The following PAIP2B variants were observed in gnomAD, a reference collection of about 807,000 sequenced individuals.
PAIP2B encodes poly(A) binding protein interacting protein 2B.
Under a neutral mutation model 17.0 loss-of-function variants are expected in PAIP2B, and 13 were observed. The observed-to-expected ratio is 0.76, with a 90% CI of 0.50 to 1.22. The LOEUF (loss-of-function observed/expected upper bound fraction) is 1.22, where lower values mean the gene tolerates loss of function less well. PAIP2B is among the 50% of genes most tolerant of loss of function. PAIP2B has a pLI of 0.00. For synonymous variants in PAIP2B, 43 were observed against 48.7 expected (o/e 0.88, Z 0.48); for missense variants, 117 against 144.5 (o/e 0.81, Z 0.98).
chr2:71,205,248 G>T (rs956358860), intron 1 of PAIP2B, among the ~76,000 whole-genome samples: 7 of 152,198 alleles, frequency 4.6e-5, no homozygotes, highest in African/African-American at 1.7e-4. Flanking sequence ...CTAGGCAAGT[G>T]ATTCTCTTAC....
chr2:71,222,428 T>C (rs1675609766), intron 1 of PAIP2B, among the ~76,000 whole-genome samples: 1 of 152,176 alleles, frequency 6.6e-6, no homozygotes, highest in Non-Finnish European at 1.5e-5. Context: ...CCTTCTGTTT[T>C]TAGAAGGTGA....
At chr2:71,198,908 A>C (rs1404894050) in intron 2 of PAIP2B, among the ~76,000 whole-genome samples, 1 of 151,748 alleles carries the variant, frequency 6.6e-6, no homozygotes, top group Non-Finnish European at 1.5e-5. Flanking sequence ...TATGATTTTT[A>C]TTTTCCTTGG....
intron 1 of PAIP2B, among the ~76,000 whole-genome samples, chr2:71,222,072 A>C (rs999964924): frequency 6.6e-6 from 1 of 152,168 alleles, no homozygotes; most frequent in African/African-American, 2.4e-5. Flanking sequence ...TCTTCACAAT[A>C]TACCTTGCTA....
intron 1 of PAIP2B, among the ~76,000 whole-genome samples, chr2:71,224,383 A>G (rs778340968): frequency 3.9e-5 from 6 of 152,230 alleles, no homozygotes; most frequent in Non-Finnish European, 8.8e-5. Context: ...AATATTTGAT[A>G]ATTCAGTGTT....
At chr2:71,223,737 G>A (rs1054457593) in intron 1 of PAIP2B, among the ~76,000 whole-genome samples, 3 of 152,088 alleles carry the variant, frequency 2.0e-5, no homozygotes, top group Admixed American at 2.0e-4. Context: ...ACGCTCAGCC[G>A]AGTCTGACTT....
rs369410819 is a variant in PAIP2B at position 71,214,168 on chromosome 2, G to C, written c.-11-11568C>G. Among the ~76,000 whole-genome samples, 13 of 152,148 alleles carry C rather than the reference G, an allele frequency of 8.5e-5. No homozygotes were observed. In the East Asian group the frequency reaches 1.2e-3, roughly 14 times the overall value. On this transcript the variant is annotated intron_variant, in intron 1 of 3. Coordinates refer to ENST00000244221, the MANE Select transcript of PAIP2B (RefSeq NM_020459.1). The stretch of plus-strand genomic sequence containing the variant: ...AACACCTTGCCTAAAGTATAACCTA[G>C]TAGTACTAGAATTAGTGCTTAAGCT...
At chr2:71,200,660 G>C (rs753132806) in intron 2 of PAIP2B, among the ~76,000 whole-genome samples, 2 of 152,170 alleles carry the variant, frequency 1.3e-5, no homozygotes, top group African/African-American at 2.4e-5. Context: ...GCTAAGGCAA[G>C]ACAATGGTTT....
rs533047114 is a variant in PAIP2B at position 71,192,383 on chromosome 2, A to C, written c.139-2362T>G. 9.2e-5 allele frequency among the ~76,000 whole-genome samples: 14 copies of C among 151,654 alleles called. No individual in the cohort carries two copies. The South Asian group carries it at 2.7e-3, about 29-fold the overall frequency. ...TGTGTCACATTTTGGTAATTCTCTC[A>C]ATTTTTCAAACTTTTTCATTATTAT... On this transcript the variant is annotated intron_variant, in intron 2 of 3. Transcript: ENST00000244221.
chr2:71,219,719 G>T (rs1008751016), intron 1 of PAIP2B, among the ~76,000 whole-genome samples: 2 of 149,002 alleles, frequency 1.3e-5, no homozygotes, highest in African/African-American at 5.1e-5. Context: ...GGTAATGTGC[G>T]CAAATACATA....
Position 71,184,900 on chromosome 2 carries a change from A to C in PAIP2B, c.*3579T>G, listed in dbSNP as rs1202794700. ...AATCTGTCAGATTTCTAACAGTTTC[A>C]ATACCTCAATATCACCTAAACTGAG... On this transcript the variant is annotated 3_prime_UTR_variant, in exon 4 of 4. Transcript: ENST00000244221. 1 of 152,176 alleles carries C rather than the reference A, an allele frequency of 6.6e-6. No individual in the cohort carries two copies. The highest frequency in any genetic ancestry group is 1.5e-5 in the Non-Finnish European group (1 of 68,032). 9.4% of individuals were successfully genotyped at this position (152,176 alleles called of 1,614,324 possible).
chr2:71,210,942 T>A (rs911683510), intron 1 of PAIP2B, among the ~76,000 whole-genome samples: 2 of 152,000 alleles, frequency 1.3e-5, no homozygotes, highest in Non-Finnish European at 2.9e-5. Flanking sequence ...CATACTGAAA[T>A]AGGATTAAGA....
chr2:71,223,644 G>A (rs1285235799), intron 1 of PAIP2B, among the ~76,000 whole-genome samples: 1 of 151,852 alleles, frequency 6.6e-6, no homozygotes, highest in East Asian at 2.0e-4. Context: ...CCACCATCCT[G>A]GACAGGTTGG....
chr2:71,214,638 T>C (rs1675382369), intron 1 of PAIP2B, among the ~76,000 whole-genome samples: 1 of 152,238 alleles, frequency 6.6e-6, no homozygotes, highest in Admixed American at 6.5e-5. Flanking sequence ...CCTGAACTGA[T>C]ATGAAGCTAT....
chr2:71,216,714 A>C (rs1558782389), intron 1 of PAIP2B, among the ~76,000 whole-genome samples: 2 of 152,224 alleles, frequency 1.3e-5, no homozygotes, highest in African/African-American at 4.8e-5. Context: ...TCTGTGTTGC[A>C]ATAAGCCCTC....
chr2:71,210,539 C>T (rs1399808817), intron 1 of PAIP2B, among the ~76,000 whole-genome samples: 3 of 152,100 alleles, frequency 2.0e-5, no homozygotes, highest in Non-Finnish European at 4.4e-5. Context: ...CGTCAGTGAG[C>T]TTAAGCAAAC....
At chr2:71,207,228 G>GT (rs1675153599) in intron 1 of PAIP2B, among the ~76,000 whole-genome samples, 1 of 152,164 alleles carries the variant, frequency 6.6e-6, no homozygotes, top group African/African-American at 2.4e-5. Flanking sequence ...GTTCAGAAAG[G>GT]TTTCCCTGAG....
intron 2 of PAIP2B, among the ~76,000 whole-genome samples, chr2:71,198,993 AC>A (rs1674904271): frequency 6.6e-6 from 1 of 152,208 alleles, no homozygotes; most frequent in Non-Finnish European, 1.5e-5. Flanking sequence ...GGAAATGACA[AC>A]GAAGGATTTA....
intron 1 of PAIP2B, among the ~76,000 whole-genome samples, chr2:71,226,331 G>C (rs1301664024): frequency 6.6e-6 from 1 of 152,196 alleles, no homozygotes; most frequent in African/African-American, 2.4e-5. Flanking sequence ...GGGTTGGTAG[G>C]GGGTGATGGG....
intron 1 of PAIP2B, among the ~76,000 whole-genome samples, chr2:71,209,373 G>T (rs777313564): frequency 3.3e-5 from 5 of 152,178 alleles, no homozygotes; most frequent in Non-Finnish European, 5.9e-5. Context: ...ACATACAGGA[G>T]GGAGAAAGTA....
Sources: allele counts gnomAD v4.1 joint callset (sites outside exome capture counted in the v4.1 genomes callset), GRCh38; gene constraint gnomAD v4.1.1; transcripts MANE v1.5; gene names NCBI Gene and HGNC (gene_info 2026-07-23, HGNC 2026-07-21).